ZNF71: variants seen among roughly 807,000 people sequenced by gnomAD.
ZNF71 encodes endothelial zinc finger protein induced by tumor necrosis factor alpha.
In ZNF71, 3 loss-of-function variants were observed where a neutral mutation model predicts 6.7. The observed-to-expected ratio is 0.45, with a 90% CI of 0.20 to 1.16. ZNF71 has a LOEUF of 1.16. Ranked by LOEUF, ZNF71 falls within the 50% of genes most tolerant of loss-of-function variation. ZNF71 has a pLI of 0.25. For synonymous variants in ZNF71, 343 were observed against 311.1 expected (o/e 1.10, Z -1.08); for missense variants, 688 against 728.6 (o/e 0.94, Z 0.64).
At chr19:56,607,526 C>T (rs1231522975) in intron 2 of ZNF71, among the ~76,000 whole-genome samples, 1 of 151,840 alleles carries the variant, frequency 6.6e-6, no homozygotes, top group Non-Finnish European at 1.5e-5. Flanking sequence ...GACGTAGATG[C>T]TGTTATCCCC....
rs756841948 is a variant in ZNF71 at position 56,621,320 on chromosome 19, G to A, written c.213G>A (p.Ser71=). The stretch of plus-strand genomic sequence containing the variant: ...AGTTGGATCCAAAGAATGACATTTC[G>A]GAAGACAAGCTCTCCGTTGTTGGGG... ...MKELDPKNDI[S]EDKLSVVGEA... is the part of the protein sequence containing the mutation. The change falls in exon 4 of 4, where the codon TCG becomes TCA. Residue 71 remains serine, a synonymous_variant. Coordinates refer to ENST00000599599, the MANE Select transcript of ZNF71 (RefSeq NM_001370215.1). 1.7e-5 allele frequency: 26 copies of A among 1,525,926 alleles called. No homozygotes were observed. The highest frequency in any genetic ancestry group is 1.4e-4 in the East Asian group (6 of 44,094). The allele number at this position is 1,525,926 out of a possible 1,614,324, so 94.5% of individuals were successfully genotyped here.
Position 56,613,758 on chromosome 19 carries a change from C to T in ZNF71, c.34-54C>T. The stretch of plus-strand genomic sequence containing the variant: ...CTCTTGGCTTTTCTGGCCATTCCTC[C>T]ACGCCTCTGTAAGGAGGGCCCTGCG... On this transcript the variant is annotated intron_variant, in intron 2 of 3. Transcript: ENST00000599599. The surrounding 1 kb of genome is among the most constrained non-coding windows in gnomAD (Gnocchi z 4.6). The T allele has an allele frequency of 9.4e-7, 1 of 1,069,214 alleles. No homozygotes were observed. The highest frequency in any genetic ancestry group is 1.2e-6 in the Non-Finnish European group (1 of 865,692). 66.2% of individuals were successfully genotyped at this position (1,069,214 alleles called of 1,614,324 possible).
At chr19:56,608,590 G>T (rs2044727330) in intron 2 of ZNF71, among the ~76,000 whole-genome samples, 1 of 152,168 alleles carries the variant, frequency 6.6e-6, no homozygotes, top group Non-Finnish European at 1.5e-5. Flanking sequence ...TTCCTTGGAA[G>T]TGACACCACA....
chr19:56,602,946 A>G (rs1223354304), intron 2 of ZNF71, among the ~76,000 whole-genome samples: 1 of 151,988 alleles, frequency 6.6e-6, no homozygotes, highest in African/African-American at 2.4e-5. Context: ...CTTCCTTTTC[A>G]CCATTTGTCA....
In ZNF71 at chr19:56,622,481, C is replaced by T. The variant is rs1051755100; in HGVS notation, c.1374C>T (p.Ile458=). ...KKHFTGRSSL[I]VHQIVHTGEK... ...ACTTCACGGGGCGCTCGTCCCTCATCGTGCACCAGATCGTGCACACCGGGG... is the reference window on the plus strand; with the variant it reads ...ACTTCACGGGGCGCTCGTCCCTCATTGTGCACCAGATCGTGCACACCGGGG... The change falls in exon 4 of 4, where the codon ATC becomes ATT. Residue 458 remains isoleucine (I), a synonymous_variant. Coordinates refer to ENST00000599599, the MANE Select transcript of ZNF71 (RefSeq NM_001370215.1). 4 of 1,609,436 alleles carry T rather than the reference C, an allele frequency of 2.5e-6. No individual in the cohort carries two copies. The highest frequency in any genetic ancestry group is 3.4e-6 in the Non-Finnish European group (4 of 1,177,032).
At chr19:56,604,362 G>C (rs933414036) in intron 2 of ZNF71, among the ~76,000 whole-genome samples, 34 of 152,092 alleles carry the variant, frequency 2.2e-4, no homozygotes, top group African/African-American at 8.2e-4. Context: ...AGCTGGGCTG[G>C]CTGAAAGATA....
At position 56,616,999 on chromosome 19, in the gene ZNF71, C is replaced by T. The variant is rs115504281; in HGVS notation, c.160+3061C>T. ...TATACTCTGTCTTGGACAAAAGCCC[C>T]ATTTGGGGGAAAAATGTGTGTGTGC... On this transcript the variant is annotated intron_variant, in intron 3 of 3. Coordinates refer to ENST00000599599, the MANE Select transcript of ZNF71 (RefSeq NM_001370215.1). 9.1e-4 allele frequency among the ~76,000 whole-genome samples: 138 copies of T among 152,276 alleles called. 1 individual carries two copies. The highest frequency in any genetic ancestry group is 3.2e-3 in the African/African-American group (131 of 41,546).
chr19:56,621,771 A>G lies in ZNF71; in HGVS notation c.664A>G (p.Thr222Ala). Residue 222 changes from threonine (T) to alanine (A), a missense_variant, in exon 4 of 4, where the codon ACC (threonine) becomes GCC (alanine). Physicochemically the swap from Thr to Ala is moderately conservative, Grantham distance 58. Transcript: ENST00000599599. ...GGGAGAAAAGCCGTTTGAGTGTGAC[A>G]CCTGTGGGAAGCACTTCATCGAGCG... ...HTGEKPFECDTCGKHFIERSS... is the reference protein window; with the variant it reads ...HTGEKPFECDACGKHFIERSS... The G allele has an allele frequency of 1.2e-6, 2 of 1,613,816 alleles. No individual in the cohort carries two copies. Among genetic ancestry groups the G allele is most frequent in the Non-Finnish European group, 1.7e-6 (2 of 1,179,974 alleles).
At chr19:56,599,113 G>A (rs563538142) in intron 1 of ZNF71, among the ~76,000 whole-genome samples, 1 of 152,290 alleles carries the variant, frequency 6.6e-6, no homozygotes, top group African/African-American at 2.4e-5. Context: ...GCTTTTCTGG[G>A]TGATCTTGAA....
At position 56,622,141 on chromosome 19, in the gene ZNF71, T is replaced by C; in HGVS notation, c.1034T>C (p.Leu345Pro). 6.2e-7 allele frequency: 1 copy of C among 1,613,436 alleles called. No individual in the cohort carries two copies. Among genetic ancestry groups the C allele is most frequent in the Non-Finnish European group, 8.5e-7 (1 of 1,179,616 alleles). ...CGAGCCTTCAGCCAGAACATGCACC[T>C]GACCGAGCACCAGCGCACGCACACC... Reference protein sequence around the residue: ...CGRAFSQNMHLTEHQRTHTGE... With the variant: ...CGRAFSQNMHPTEHQRTHTGE... The change falls in exon 4 of 4, where the codon CTG (leucine) becomes CCG (proline). Residue 345 changes from leucine (L) to proline (P), a missense_variant. Transcript: ENST00000599599.
At chr19:56,620,031 C>T (rs982725006) in intron 3 of ZNF71, among the ~76,000 whole-genome samples, 1 of 152,192 alleles carries the variant, frequency 6.6e-6, no homozygotes, top group African/African-American at 2.4e-5. Flanking sequence ...CCAAGCTCCA[C>T]GGAATGCCTG....
In ZNF71 at chr19:56,621,407, A is replaced by G; in HGVS notation, c.300A>G (p.Glu100=). ...GTCCTGGCTCAGAAGGAGTGTGGGA[A>G]CCAGGCAGCTGGCCAGAGAGGCCGC... is the stretch of plus-strand genomic sequence containing the variant. ...ARGPGSEGVW[E]PGSWPERPRG... Residue 100 remains glutamate (E), a synonymous_variant, in exon 4 of 4, where the codon GAA becomes GAG. Coordinates refer to ENST00000599599, the MANE Select transcript of ZNF71 (RefSeq NM_001370215.1). The G allele has an allele frequency of 2.5e-6, 4 of 1,612,724 alleles. No individual in the cohort carries two copies. Among genetic ancestry groups the G allele is most frequent in the Non-Finnish European group, 8.5e-7 (1 of 1,179,196 alleles).
chr19:56,613,798 G>T lies in ZNF71; in HGVS notation c.34-14G>T. On this transcript the variant is annotated splice_polypyrimidine_tract_variant and intron_variant, in intron 2 of 3. Coordinates refer to ENST00000599599, the MANE Select transcript of ZNF71 (RefSeq NM_001370215.1). This position sits in a 1 kb window ranked among gnomAD's most constrained non-coding sequence, Gnocchi z 4.6. ...AGGGCCCTGCGATGAGCGGATGTGG[G>T]TTTCCTCTTACAGGAATCAGTGACG... 1 of 1,093,658 alleles carries T rather than the reference G, an allele frequency of 9.1e-7. No individual in the cohort carries two copies. Among genetic ancestry groups the T allele is most frequent in the Non-Finnish European group, 1.1e-6 (1 of 881,582 alleles). 67.7% of individuals were successfully genotyped at this position (1,093,658 alleles called of 1,614,324 possible). A position where few individuals can be genotyped will look rare whatever the true frequency, so the allele number is the denominator to read the frequency against.
At chr19:56,599,754 T>C (rs1382478375) in intron 1 of ZNF71, among the ~76,000 whole-genome samples, 1 of 150,984 alleles carries the variant, frequency 6.6e-6, no homozygotes, top group African/African-American at 2.4e-5. Context: ...AGTGCAGTGT[T>C]GCCATCTCAG....
At chr19:56,607,457 G>A (rs76219897) in intron 2 of ZNF71, among the ~76,000 whole-genome samples, 4,108 of 152,304 alleles carry the variant, frequency 0.027, 181 homozygotes, top group African/African-American at 0.091. Context: ...GCCAGGCGCT[G>A]TTCTAGGGTC....
intron 3 of ZNF71, among the ~76,000 whole-genome samples, chr19:56,619,511 G>T (rs1568508918): frequency 6.6e-6 from 1 of 152,182 alleles, no homozygotes; most frequent in Admixed American, 6.5e-5. Context: ...CCCAAGTTTC[G>T]TATCGGATGT....
chr19:56,604,887 C>A (rs1376128812), intron 2 of ZNF71, among the ~76,000 whole-genome samples: 1 of 152,176 alleles, frequency 6.6e-6, no homozygotes. Flanking sequence ...GTAACAATAG[C>A]TGGCACTTAT....
chr19:56,617,527 A>G (rs1341033768), intron 3 of ZNF71, among the ~76,000 whole-genome samples: 6 of 152,252 alleles, frequency 3.9e-5, no homozygotes, highest in Admixed American at 3.9e-4. Context: ...TGAAAAAAGA[A>G]TGCACCTACA....
chr19:56,600,649 G>A (rs1222348696), intron 1 of ZNF71, among the ~76,000 whole-genome samples: 2 of 152,020 alleles, frequency 1.3e-5, no homozygotes, highest in African/African-American at 4.8e-5. Flanking sequence ...TGCAAAGTTT[G>A]TCTTTCTATG....
Sources: gnomAD v4.1 joint callset for allele counts (sites outside exome capture counted in the v4.1 genomes callset) on GRCh38, gnomAD v4.1.1 for gene constraint, Gnocchi (gnomAD v3.1) non-coding constraint, MANE v1.5 for transcripts, NCBI Gene and HGNC (gene_info 2026-07-23, HGNC 2026-07-21) for gene names.